ACP3: variants seen among roughly 807,000 people sequenced by gnomAD.
ACP3 encodes prostatic acid phosphatase.
A neutral mutation model predicts 45.6 loss-of-function variants in ACP3; 38 were observed. The observed-to-expected ratio is 0.83, with a 90% CI of 0.64 to 1.09. The LOEUF (loss-of-function observed/expected upper bound fraction) is 1.09. Among genes scored for constraint, ACP3 ranks in the 50% least tolerant of loss-of-function variants. The probability of loss-of-function intolerance (pLI) is 0.00; values close to 1 mark genes in which losing one functional copy is unlikely to be tolerated. For synonymous variants in ACP3, 162 were observed against 164.7 expected (o/e 0.98, Z 0.13); for missense variants, 466 against 463.2 (o/e 1.01, Z -0.05).
intron 1 of ACP3, among the ~76,000 whole-genome samples, chr3:132,322,966 A>G (rs1223670063): frequency 1.3e-5 from 2 of 152,214 alleles, no homozygotes; most frequent in African/African-American, 2.4e-5. Flanking sequence ...TTGTCCTGTC[A>G]TGCCTTCTGC....
rs890320216 is a variant in ACP3 at position 132,342,599 on chromosome 3, C to G, written c.603C>G (p.Asp201Glu). 6.2e-7 allele frequency: 1 copy of G among 1,612,344 alleles called. No individual in the cohort carries two copies. The highest frequency in any genetic ancestry group is 8.5e-7 in the Non-Finnish European group (1 of 1,179,480). ...AACTTTCAGGATTACATGGCCAGGA[C>G]CTTTTTGGAATTTGGAGTAAAGTCT... The part of the protein sequence containing the change: ...LGKLSGLHGQ[D>E]LFGIWSKVYD... Residue 201 changes from aspartate (D) to glutamate (E), a missense_variant, in exon 6 of 10, where the codon GAC becomes GAG. Physicochemically the swap from Asp to Glu is conservative, Grantham distance 45. Coordinates refer to ENST00000336375, the MANE Select transcript of ACP3 (RefSeq NM_001099.5).
At chr3:132,348,078 C>T (rs1223124667) in intron 7 of ACP3, among the ~76,000 whole-genome samples, 3 of 152,176 alleles carry the variant, frequency 2.0e-5, no homozygotes, top group African/African-American at 7.2e-5. Context: ...CATGCTACCA[C>T]CGCAGAGCTG....
At chr3:132,331,238 T>C (rs1292095855) in intron 2 of ACP3, among the ~76,000 whole-genome samples, 1 of 152,228 alleles carries the variant, frequency 6.6e-6, no homozygotes, top group Admixed American at 6.5e-5. Context: ...AAAGAGACTT[T>C]CAGATTCATC....
At chr3:132,328,633 C>T (rs1278255488) in intron 2 of ACP3, among the ~76,000 whole-genome samples, 2 of 144,840 alleles carry the variant, frequency 1.4e-5, no homozygotes, top group Admixed American at 7.0e-5. Flanking sequence ...GAGCCAAGAT[C>T]GCACCATTGC....
At chr3:132,328,387 T>C in intron 2 of ACP3, 25 bp downstream of exon 2, 1 of 1,593,516 alleles carries the variant, frequency 6.3e-7, no homozygotes, top group South Asian at 1.1e-5. Flanking sequence ...TAGCTAAAGA[T>C]TGTTGATGAA....
intron 4 of ACP3, 185 bp downstream of exon 4, chr3:132,332,529 C>T (rs1937419172): frequency 1.4e-6 from 1 of 703,750 alleles, no homozygotes; most frequent in South Asian, 2.0e-5. Context: ...GAGTAGGAAC[C>T]AAATTTCTCT....
chr3:132,318,696 T>C (rs1229711400), intron 1 of ACP3, among the ~76,000 whole-genome samples: 3 of 144,222 alleles, frequency 2.1e-5, no homozygotes. Flanking sequence ...CAGACTTCTG[T>C]GCAGAAAAAA....
chr3:132,358,962 C>T (rs1009518681), downstream of ACP3: 6 of 868,176 alleles, frequency 6.9e-6, no homozygotes, highest in Non-Finnish European at 8.3e-6. Flanking sequence ...TTGGACTTTA[C>T]CACTTCAGAT....
At position 132,358,497 on chromosome 3, in the gene ACP3, A is replaced by T. The variant is rs1435305262; in HGVS notation, c.*1619A>T. The T allele has an allele frequency of 7.9e-7, 1 of 1,264,010 alleles. No individual in the cohort carries two copies. Among genetic ancestry groups the T allele is most frequent in the Admixed American group, 2.4e-5 (1 of 41,776 alleles). 78.3% of individuals were successfully genotyped at this position (1,264,010 alleles called of 1,614,324 possible). A position where few individuals can be genotyped will look rare whatever the true frequency, so the allele number is the denominator to read the frequency against. ...TGGCAGATCTACATGTCTAGAGAAC[A>T]CTGTGCTCTATTACCATTATGGATA... On this transcript the variant is annotated 3_prime_UTR_variant, in exon 10 of 10. Coordinates refer to ENST00000336375, the MANE Select transcript of ACP3 (RefSeq NM_001099.5).
intron 1 of ACP3, among the ~76,000 whole-genome samples, 174 bp downstream of exon 1, chr3:132,317,750 G>A (rs947899980): frequency 6.6e-6 from 1 of 152,306 alleles, no homozygotes; most frequent in East Asian, 1.9e-4. Context: ...AAGACCTAAC[G>A]TGTCCTAACA....
chr3:132,345,090 G>A (rs1233091361), intron 7 of ACP3, 31 bp downstream of exon 7: 1 of 1,594,456 alleles, frequency 6.3e-7, no homozygotes. Flanking sequence ...GGAGCATATT[G>A]GATTTGTGGT....
In ACP3 at chr3:132,331,748, C is replaced by T; in HGVS notation, c.303+15C>T. ...AACATGAACAGGCAAGTTGGGGAGCCAAGAGTGGGAACTTTGATCTTTGAA... is the reference window on the plus strand; with the variant it reads ...AACATGAACAGGCAAGTTGGGGAGCTAAGAGTGGGAACTTTGATCTTTGAA... On this transcript the variant is annotated intron_variant, in intron 3 of 9. Transcript: ENST00000336375. The T allele has an allele frequency of 6.3e-7, 1 of 1,575,246 alleles. No individual in the cohort carries two copies. The highest frequency in any genetic ancestry group is 8.6e-7 in the Non-Finnish European group (1 of 1,156,740).
At chr3:132,325,619 C>CACACACACACACACA (rs1308503169) in intron 1 of ACP3, among the ~76,000 whole-genome samples, 8 of 151,492 alleles carry the variant, frequency 5.3e-5, no homozygotes, top group East Asian at 1.9e-4. Flanking sequence ...CACACACACA[C>CACACACACACACACA]CCCTTCCAAT....
chr3:132,359,328 C>T (rs560905482), downstream of ACP3, among the ~76,000 whole-genome samples: 435 of 152,106 alleles, frequency 2.9e-3, 3 homozygotes, highest in African/African-American at 9.6e-3. Flanking sequence ...CTGGCTAACA[C>T]GGTGAAACCC....
intron 5 of ACP3, 139 bp downstream of exon 5, chr3:132,337,693 G>T (rs1223090888): frequency 5.5e-6 from 3 of 541,744 alleles, no homozygotes; most frequent in African/African-American, 3.7e-5. Flanking sequence ...TACAGCAATG[G>T]GTTAGAATAT....
Position 132,358,051 on chromosome 3 carries a change from A to ATAAG in ACP3, c.*1176_*1177insGTAA, listed in dbSNP as rs1158685820. On this transcript the variant is annotated 3_prime_UTR_variant, in exon 10 of 10. Transcript: ENST00000336375. ...CCTGTCTCAATAAATAAATAAATAA[A>ATAAG]TAAATAAATAAATAAATAAATAAAT... 1 of 148,172 alleles carries ATAAG rather than the reference A, an allele frequency of 6.7e-6. No individual in the cohort carries two copies. Among genetic ancestry groups the ATAAG allele is most frequent in the East Asian group, 2.0e-4 (1 of 5,030 alleles). 9.2% of individuals were successfully genotyped at this position (148,172 alleles called of 1,614,324 possible). A position where few individuals can be genotyped will look rare whatever the true frequency, so the allele number is the denominator to read the frequency against.
chr3:132,328,618 G>T (rs1272581139), intron 2 of ACP3, among the ~76,000 whole-genome samples: 2 of 146,508 alleles, frequency 1.4e-5, no homozygotes, highest in Non-Finnish European at 3.0e-5. Context: ...AGTGGAGGTT[G>T]CAGTGAGCCA....
At chr3:132,361,383 TC>T (rs1472103524), downstream of ACP3, among the ~76,000 whole-genome samples, 1 of 152,166 alleles carries the variant, frequency 6.6e-6, no homozygotes, top group East Asian at 1.9e-4. Flanking sequence ...TCCGATTCAC[TC>T]CTCACTCCAC....
chr3:132,350,627 G>A (rs56064836), intron 8 of ACP3, among the ~76,000 whole-genome samples: 72,346 of 152,008 alleles, frequency 0.48, 17,995 homozygotes, highest in Middle Eastern at 0.65. Context: ...GGAGAGCACA[G>A]ATATACAACA....
Sources: gnomAD v4.1 joint callset for allele counts (sites outside exome capture counted in the v4.1 genomes callset) on GRCh38, gnomAD v4.1.1 for gene constraint, MANE v1.5 for transcripts, NCBI Gene and HGNC (gene_info 2026-07-23, HGNC 2026-07-21) for gene names.